NTM: variants seen among roughly 807,000 people sequenced by gnomAD.
NTM encodes neurotrimin.
In NTM, 13 loss-of-function variants were observed where a neutral mutation model predicts 42.1. That is an observed-to-expected ratio of 0.31 (90% CI 0.20 to 0.49). NTM has a LOEUF of 0.49. Among genes scored for constraint, NTM ranks in the 20% least tolerant of loss-of-function variants. The pLI is 0.99. For synonymous variants in NTM, 187 were observed against 179.2 expected (o/e 1.04, Z -0.35); for missense variants, 373 against 452.8 (o/e 0.82, Z 1.60).
chr11:132,039,022 C>T (rs565818110), intron 2 of NTM, among the ~76,000 whole-genome samples: 5 of 152,330 alleles, frequency 3.3e-5, no homozygotes, highest in African/African-American at 1.2e-4. Flanking sequence ...TGAGTGAGGG[C>T]ACCAGTCGGG....
chr11:131,812,008 G>A (rs2092750028), intron 1 of NTM, among the ~76,000 whole-genome samples: 1 of 152,152 alleles, frequency 6.6e-6, no homozygotes, highest in African/African-American at 2.4e-5. Flanking sequence ...GAGGTTGTTA[G>A]CAAACCAAGA....
intron 3 of NTM, among the ~76,000 whole-genome samples, chr11:132,192,018 G>C (rs892057705): frequency 6.6e-6 from 1 of 152,140 alleles, no homozygotes; most frequent in East Asian, 1.9e-4. Context: ...ATGGGATTCT[G>C]TAAAGAGACC....
intron 1 of NTM, among the ~76,000 whole-genome samples, chr11:131,821,041 A>G (rs1181655306): frequency 6.8e-6 from 1 of 146,352 alleles, no homozygotes; most frequent in African/African-American, 2.6e-5. Context: ...TTTTTTTTCT[A>G]ATTATGTAAT....
intron 2 of NTM, among the ~76,000 whole-genome samples, chr11:132,101,075 A>G (rs2136551019): frequency 6.6e-6 from 1 of 152,328 alleles, no homozygotes; most frequent in East Asian, 1.9e-4. Context: ...TTTAATATCC[A>G]GGGTATTGAC....
At chr11:132,074,067 C>A in intron 2 of NTM, among the ~76,000 whole-genome samples, 1 of 152,202 alleles carries the variant, frequency 6.6e-6, no homozygotes, top group Non-Finnish European at 1.5e-5. Flanking sequence ...ATTTATCTCT[C>A]AGCACAGATT....
In NTM at chr11:132,023,727, T is replaced by G. The variant is rs557778412; in HGVS notation, c.167+112079T>G. Among the ~76,000 whole-genome samples the G allele has an allele frequency of 5.7e-3, 856 of 150,854 alleles. 13 individuals are homozygous for G. Among genetic ancestry groups the G allele is most frequent in the African/African-American group, 0.02 (791 of 40,514 alleles). ...GTTGTTGTTGTTGGTTTTGTTGTTG[T>G]TGTTGGTTTTGTTGTTGGTGGTGGT... On this transcript the variant is annotated intron_variant, in intron 2 of 8. Transcript: ENST00000683400.
At chr11:132,334,847 TTCCCGTTA>T (rs1327212571) in intron 8 of NTM, among the ~76,000 whole-genome samples, 191 bp from the exon 9 acceptor site, 2 of 151,690 alleles carry the variant, frequency 1.3e-5, no homozygotes, top group African/African-American at 4.8e-5. Flanking sequence ...AGGGGAAGGC[TTCCCGTTA>T]TCTAGTGTGT....
intron 1 of NTM, among the ~76,000 whole-genome samples, chr11:131,509,325 C>T (rs1303978042): frequency 1.3e-5 from 2 of 152,200 alleles, no homozygotes; most frequent in Non-Finnish European, 2.9e-5. Flanking sequence ...AATAACTCCG[C>T]TTTGGTCTCC....
chr11:131,436,005 C>G (rs867831738), intron 1 of NTM, among the ~76,000 whole-genome samples: 4 of 152,034 alleles, frequency 2.6e-5, no homozygotes, highest in South Asian at 4.1e-4. Flanking sequence ...AAGGGCTGTT[C>G]AATTTTGTCA....
At chr11:131,925,455 G>A (rs558672023) in intron 2 of NTM, among the ~76,000 whole-genome samples, 1 of 141,370 alleles carries the variant, frequency 7.1e-6, no homozygotes, top group Non-Finnish European at 1.5e-5. Context: ...TGCAGTCTCA[G>A]CTCACTGCAG....
chr11:131,516,268 C>A (rs900032085), intron 1 of NTM, among the ~76,000 whole-genome samples: 3 of 152,196 alleles, frequency 2.0e-5, no homozygotes, highest in Non-Finnish European at 4.4e-5. Flanking sequence ...ATACATAGAA[C>A]AGATGCTTAG....
intron 1 of NTM, among the ~76,000 whole-genome samples, chr11:131,900,857 C>T (rs765608376): frequency 3.3e-5 from 5 of 152,168 alleles, no homozygotes; most frequent in Non-Finnish European, 5.9e-5. Flanking sequence ...ATTTCTTTCT[C>T]GTTCCTATTT....
intron 1 of NTM, among the ~76,000 whole-genome samples, chr11:131,640,116 T>C (rs914263384): frequency 2.0e-5 from 3 of 152,162 alleles, no homozygotes; most frequent in Admixed American, 2.0e-4. Context: ...AGAACGTCTT[T>C]TTGTTTTCTT....
At chr11:132,084,686 C>T (rs1217080343) in intron 2 of NTM, among the ~76,000 whole-genome samples, 2 of 152,162 alleles carry the variant, frequency 1.3e-5, no homozygotes, top group African/African-American at 4.8e-5. Context: ...AGACAAAAAC[C>T]TTTACTCATT....
At chr11:131,519,841 G>A (rs2049378979) in intron 1 of NTM, among the ~76,000 whole-genome samples, 2 of 149,364 alleles carry the variant, frequency 1.3e-5, no homozygotes, top group African/African-American at 5.1e-5. Context: ...CCCGAGAGGT[G>A]AACCTGCTTG....
At chr11:131,711,764 A>T (rs1449431550) in intron 1 of NTM, among the ~76,000 whole-genome samples, 3 of 152,066 alleles carry the variant, frequency 2.0e-5, no homozygotes, top group Non-Finnish European at 4.4e-5. Flanking sequence ...GGATTAAGAA[A>T]ATGTGGCACA....
At chr11:132,206,353 CA>C (rs2081991075) in intron 3 of NTM, among the ~76,000 whole-genome samples, 1 of 152,164 alleles carries the variant, frequency 6.6e-6, no homozygotes. Context: ...TCCCATTTTT[CA>C]TTGATTCTGT....
intron 1 of NTM, among the ~76,000 whole-genome samples, chr11:131,842,050 G>A (rs1396430162): frequency 6.6e-6 from 1 of 152,164 alleles, no homozygotes; most frequent in Non-Finnish European, 1.5e-5. Context: ...TACAAAACCG[G>A]TTACCCCAAC....
At chr11:131,625,577 A>G (rs906164) in intron 1 of NTM, among the ~76,000 whole-genome samples, 122,475 of 151,664 alleles carry the variant, frequency 0.81, 49,534 homozygotes, top group Non-Finnish European at 0.83. Context: ...TTTTTCAGAT[A>G]ACGTTCCCCA....
Sources: gnomAD v4.1 joint callset for allele counts (sites outside exome capture counted in the v4.1 genomes callset) on GRCh38, gnomAD v4.1.1 for gene constraint, MANE v1.5 for transcripts, NCBI Gene and HGNC (gene_info 2026-07-23, HGNC 2026-07-21) for gene names.